The following MKNK1 variants were observed in gnomAD, a reference collection of about 807,000 sequenced individuals.
MKNK1 encodes MAPK interacting serine/threonine kinase 1.
Under a neutral mutation model 49.3 loss-of-function variants are expected in MKNK1, and 30 were observed. The observed-to-expected ratio is 0.61, with a 90% CI of 0.46 to 0.83. MKNK1 has a LOEUF of 0.83. MKNK1 is among the 40% of genes least tolerant of loss of function. The pLI is 0.00. For missense variants in MKNK1, 423 were observed against 524.7 expected (o/e 0.81, Z 1.89); for synonymous variants, 176 against 201.7 (o/e 0.87, Z 1.08).
chr1:46,561,399 C>T, intron 11 of MKNK1, 79 bp downstream of exon 11: 1 of 1,487,408 alleles, frequency 6.7e-7, no homozygotes, highest in Non-Finnish European at 9.0e-7. Flanking sequence ...GTGCTCAGCA[C>T]TTGCTGGCAT....
chr1:46,571,728 C>G (rs1670182652), intron 7 of MKNK1, among the ~76,000 whole-genome samples: 1 of 152,082 alleles, frequency 6.6e-6, no homozygotes, highest in South Asian at 2.1e-4. Flanking sequence ...GCTTTATATT[C>G]CTCACACGAT....
At chr1:46,568,395 T>C (rs759925312) in intron 8 of MKNK1, 48 bp downstream of exon 8, 7 of 1,590,360 alleles carry the variant, frequency 4.4e-6, no homozygotes, top group South Asian at 1.1e-5. Flanking sequence ...CAAGGGTGGC[T>C]TCCTCGGTAA....
At position 46,572,702 on chromosome 1, in the gene MKNK1, G is replaced by A. The variant is rs183325231; in HGVS notation, c.353-535C>T. 3.2e-3 allele frequency among the ~76,000 whole-genome samples: 480 copies of A among 152,250 alleles called. 1 individual carries two copies. The highest frequency in any genetic ancestry group is 5.9e-3 in the Non-Finnish European group (400 of 68,034). On this transcript the variant is annotated intron_variant, in intron 6 of 12. Transcript: ENST00000371945. The stretch of plus-strand genomic sequence containing the variant: ...TCTCTTCTGTACCTGTCTATGAGGA[G>A]CTCAGAAGCGAGAGAGAACAACTAT...
chr1:46,583,950 A>T (rs1287984110), intron 2 of MKNK1, among the ~76,000 whole-genome samples: 2 of 152,232 alleles, frequency 1.3e-5, no homozygotes, highest in East Asian at 3.8e-4. Context: ...TAGCTCCTCC[A>T]TCGGAAGGGC....
rs1183754793 is a variant in MKNK1 at position 46,576,617 on chromosome 1, AC to A, written c.235del (p.Val79CysfsTer20). The A allele has an allele frequency of 1.2e-6, 2 of 1,613,922 alleles. No individual in the cohort carries two copies. The highest frequency in any genetic ancestry group is 2.2e-5 in the South Asian group (2 of 91,048). Reference protein sequence around the residue: ...EKQAGHSRSRVFREVETLYQC... With the variant: ...EKQAGHSRSRXFREVETLYQC... ...ATACAGCGTCTCCACCTCTCGAAAC[AC>A]CCTACTCCGACTGTGCCCTGCTTGT... is the stretch of plus-strand genomic sequence containing the variant. On this transcript the variant is annotated frameshift_variant, in exon 5 of 13. Coordinates refer to ENST00000371945, the MANE Select transcript of MKNK1 (RefSeq NM_001135553.4). LOFTEE classifies it high-confidence loss of function.
intron 2 of MKNK1, chr1:46,585,887 C>T: frequency 7.4e-7 from 1 of 1,354,258 alleles, no homozygotes; most frequent in Non-Finnish European, 9.9e-7. Context: ...GTATATTCTG[C>T]ATGGATTTCA....
At chr1:46,603,591 G>A (rs1338262475) in intron 1 of MKNK1, among the ~76,000 whole-genome samples, 1 of 152,120 alleles carries the variant, frequency 6.6e-6, no homozygotes, top group Admixed American at 6.5e-5. Flanking sequence ...GCTAAGAGGT[G>A]GAAGAGATGA....
At chr1:46,571,718 G>A (rs561116799) in intron 7 of MKNK1, among the ~76,000 whole-genome samples, 1 of 152,264 alleles carries the variant, frequency 6.6e-6, no homozygotes, top group Non-Finnish European at 1.5e-5. Context: ...TTGTGTATGA[G>A]CTTTATATTC....
chr1:46,575,328 A>G (rs1166357923), intron 5 of MKNK1: 4 of 239,898 alleles, frequency 1.7e-5, no homozygotes, highest in African/African-American at 6.7e-5. Flanking sequence ...TAAACTGAAT[A>G]AAATCTGCAG....
intron 2 of MKNK1, among the ~76,000 whole-genome samples, chr1:46,584,299 G>C (rs888624193): frequency 1.3e-5 from 2 of 152,174 alleles, no homozygotes; most frequent in African/African-American, 4.8e-5. Context: ...GATCCAGAGT[G>C]GAGCTTTAAT....
At chr1:46,575,122 T>C (rs1326880223) in intron 5 of MKNK1, 102 bp from the exon 6 acceptor site, 2 of 731,490 alleles carry the variant, frequency 2.7e-6, no homozygotes, top group African/African-American at 3.6e-5. Context: ...CAACACCTGG[T>C]AGTGGGGCAG....
chr1:46,577,606 TA>T (rs1671167887), intron 4 of MKNK1, among the ~76,000 whole-genome samples: 2 of 152,378 alleles, frequency 1.3e-5, no homozygotes, highest in South Asian at 4.1e-4. Context: ...AGCTGACTCC[TA>T]AGCCCTTGCT....
chr1:46,561,731 T>G, intron 10 of MKNK1, 89 bp from the exon 11 acceptor site: 1 of 1,460,378 alleles, frequency 6.8e-7, no homozygotes, highest in Non-Finnish European at 9.4e-7. Context: ...CTTCAATTGA[T>G]CTCAGCTGTA....
At chr1:46,578,109 A>T (rs1371171774) in intron 4 of MKNK1, among the ~76,000 whole-genome samples, 1 of 152,240 alleles carries the variant, frequency 6.6e-6, no homozygotes, top group Non-Finnish European at 1.5e-5. Flanking sequence ...AAAGTCATGA[A>T]GAACTTTCTA....
rs56089465 is a variant in MKNK1 at position 46,583,604 on chromosome 1, G to A, written c.-2-275C>T. On this transcript the variant is annotated intron_variant, in intron 2 of 12. Coordinates refer to ENST00000371945, the MANE Select transcript of MKNK1 (RefSeq NM_001135553.4). The stretch of plus-strand genomic sequence containing the variant: ...GCCTGCTTTAACCAAGCTCATTAGC[G>A]CGTGGATTTAGATCTGCCACTGGTC... Among the ~76,000 whole-genome samples the A allele has an allele frequency of 1.1e-4, 16 of 152,208 alleles. No individual in the cohort carries two copies. The South Asian group carries it at 2.9e-3, about 28-fold the overall frequency.
chr1:46,580,521 G>C lies in MKNK1; in HGVS notation c.198+9C>G, dbSNP rs1018259964. 1 of 1,596,102 alleles carries C rather than the reference G, an allele frequency of 6.3e-7. No individual in the cohort carries two copies. The highest frequency in any genetic ancestry group is 8.6e-7 in the Non-Finnish European group (1 of 1,163,458). ...AAAGTAAAGCCTGGCATTCAGCTGA[G>C]ACACTCACTTTGACGGCATACTCTT... On this transcript the variant is annotated intron_variant, in intron 4 of 12. Coordinates refer to ENST00000371945, the MANE Select transcript of MKNK1 (RefSeq NM_001135553.4).
At chr1:46,585,654 G>A in intron 2 of MKNK1, 1 of 360,240 alleles carries the variant, frequency 2.8e-6, no homozygotes, top group Non-Finnish European at 5.5e-6. Context: ...CCAAAAGACA[G>A]GCAGAGCAGA....
At chr1:46,603,282 G>C (rs1460337955) in intron 1 of MKNK1, among the ~76,000 whole-genome samples, 1 of 152,192 alleles carries the variant, frequency 6.6e-6, no homozygotes, top group Admixed American at 6.5e-5. Flanking sequence ...CCTGGCGCAT[G>C]GGCAGTGGTG....
intron 6 of MKNK1, chr1:46,574,607 C>T (rs150490452): frequency 5.3e-4 from 114 of 214,840 alleles, no homozygotes; most frequent in African/African-American, 2.4e-3. Context: ...TTCTAGACTT[C>T]GCAATGTATT....
Sources: gnomAD v4.1 joint callset for allele counts (sites outside exome capture counted in the v4.1 genomes callset) on GRCh38, gnomAD v4.1.1 for gene constraint, MANE v1.5 for transcripts, NCBI Gene and HGNC (gene_info 2026-07-23, HGNC 2026-07-21) for gene names.